CYP2C19: variants seen among roughly 807,000 people sequenced by gnomAD.
CYP2C19 encodes the protein cytochrome P450 2C19.
In CYP2C19, 59 loss-of-function variants were observed where a neutral mutation model predicts 40.9. That is an observed-to-expected ratio of 1.44 (90% CI 1.17 to 1.79). The LOEUF is 1.79. CYP2C19 is among the 40% of genes most tolerant of loss of function. CYP2C19 has a pLI of 0.00. For missense variants in CYP2C19, 754 were observed against 596.9 expected (o/e 1.26, Z -2.74); for synonymous variants, 253 against 208.7 (o/e 1.21, Z -1.83).
rs17879239 is a variant in CYP2C19 at position 94,820,579 on chromosome 10, A to G, written c.903A>G (p.Thr301=). The G allele has an allele frequency of 6.6e-4, 1,072 of 1,614,236 alleles. 5 individuals carry two copies. In the African/African-American group the frequency reaches 0.012, roughly 18 times the overall value. The change falls in exon 6 of 9, where the codon ACA becomes ACG. Residue 301 remains threonine (T), a synonymous_variant. Transcript: ENST00000371321. ...ACTTACTTGGAGCTGGGACAGAGACAACAAGCACAACCCTGAGATATGCTC... is the reference window on the plus strand; with the variant it reads ...ACTTACTTGGAGCTGGGACAGAGACGACAAGCACAACCCTGAGATATGCTC... ...AADLLGAGTE[T]TSTTLRYALL...
chr10:94,807,261 A>G (rs369621249), intron 5 of CYP2C19, among the ~76,000 whole-genome samples: 26 of 152,268 alleles, frequency 1.7e-4, no homozygotes, highest in African/African-American at 6.3e-4. Context: ...TGGTGTATGT[A>G]TACATACCAC....
intron 5 of CYP2C19, among the ~76,000 whole-genome samples, chr10:94,813,372 T>A (rs1165912586): frequency 3.9e-5 from 6 of 152,060 alleles, no homozygotes; most frequent in African/African-American, 1.4e-4. Flanking sequence ...CTGCCGAAGC[T>A]GCACCCACTG....
At chr10:94,852,538 A>G (rs906147776) in intron 8 of CYP2C19, among the ~76,000 whole-genome samples, 195 bp from the exon 9 acceptor site, 1 of 152,164 alleles carries the variant, frequency 6.6e-6, no homozygotes, top group Non-Finnish European at 1.5e-5. Flanking sequence ...CTATCCATCC[A>G]TTCATCCATT....
chr10:94,816,256 CTTTATT>C (rs765215713), intron 5 of CYP2C19, among the ~76,000 whole-genome samples: 73 of 146,670 alleles, frequency 5.0e-4, no homozygotes, highest in Non-Finnish European at 8.9e-4. Context: ...TTTTTTTTTT[CTTTATT>C]TTTATTTTTA....
chr10:94,828,207 C>G (rs535982207), intron 6 of CYP2C19, among the ~76,000 whole-genome samples: 148 of 152,060 alleles, frequency 9.7e-4, no homozygotes, highest in African/African-American at 3.3e-3. Context: ...AGTTCAATTC[C>G]TGGGTATCCT....
intron 3 of CYP2C19, among the ~76,000 whole-genome samples, chr10:94,778,603 A>T (rs977027361): frequency 6.6e-6 from 1 of 152,232 alleles, no homozygotes; most frequent in Non-Finnish European, 1.5e-5. Flanking sequence ...ATCATTAATA[A>T]GTTAGGAAAC....
At chr10:94,811,720 C>T (rs889281724) in intron 5 of CYP2C19, among the ~76,000 whole-genome samples, 2 of 151,828 alleles carry the variant, frequency 1.3e-5, no homozygotes, top group Non-Finnish European at 2.9e-5. Context: ...TTTTGCTTTC[C>T]ATTTGCTTGG....
intron 6 of CYP2C19, among the ~76,000 whole-genome samples, chr10:94,835,659 C>T (rs1416251808): frequency 6.6e-6 from 1 of 152,108 alleles, no homozygotes; most frequent in African/African-American, 2.4e-5. Flanking sequence ...CAATAATAAT[C>T]TCCTAACGGC....
At chr10:94,777,173 C>T (rs1156830531) in intron 3 of CYP2C19, among the ~76,000 whole-genome samples, 1 of 152,088 alleles carries the variant, frequency 6.6e-6, no homozygotes, top group Non-Finnish European at 1.5e-5. Flanking sequence ...AATGGAAAAA[C>T]GTTCCATGCT....
chr10:94,846,061 C>T (rs1181710949), intron 7 of CYP2C19, among the ~76,000 whole-genome samples: 2 of 152,020 alleles, frequency 1.3e-5, no homozygotes, highest in African/African-American at 2.4e-5. Context: ...ATATTATTTA[C>T]TGTACAGCTT....
At position 94,825,948 on chromosome 10, in the gene CYP2C19, G is replaced by T. The variant is rs1449371745; in HGVS notation, c.961+5311G>T. 4.6e-5 allele frequency among the ~76,000 whole-genome samples: 7 copies of T among 150,830 alleles called. No individual in the cohort carries two copies. The South Asian group carries it at 1.3e-3, about 27-fold the overall frequency. On this transcript the variant is annotated intron_variant, in intron 6 of 8. Coordinates refer to ENST00000371321, the MANE Select transcript of CYP2C19 (RefSeq NM_000769.4). Reference sequence around the variant, plus strand: ...TCCATTGCTTGTTTTTCTCAGGTTTGTCAAAGATCAGATAGTTGTAGATAT... The same window carrying T: ...TCCATTGCTTGTTTTTCTCAGGTTTTTCAAAGATCAGATAGTTGTAGATAT...
intron 6 of CYP2C19, among the ~76,000 whole-genome samples, chr10:94,829,524 C>G (rs1448855429): frequency 6.6e-6 from 1 of 152,174 alleles, no homozygotes; most frequent in African/African-American, 2.4e-5. Context: ...TTAAGCACTT[C>G]TCTGTATTGG....
chr10:94,786,030 G>A (rs955981415), intron 5 of CYP2C19, among the ~76,000 whole-genome samples: 2 of 152,034 alleles, frequency 1.3e-5, no homozygotes, highest in African/African-American at 2.4e-5. Context: ...AAAATCTGCT[G>A]TGGTCCGCCT....
At chr10:94,848,631 G>A (rs963769236) in intron 7 of CYP2C19, among the ~76,000 whole-genome samples, 1 of 152,190 alleles carries the variant, frequency 6.6e-6, no homozygotes, top group Non-Finnish European at 1.5e-5. Flanking sequence ...TTGGTAGCTT[G>A]ATGGGGATGG....
intron 7 of CYP2C19, among the ~76,000 whole-genome samples, chr10:94,845,846 C>T (rs548752811): frequency 1.2e-4 from 18 of 151,750 alleles, no homozygotes; most frequent in African/African-American, 4.1e-4. Context: ...TTTTTCATCA[C>T]CTTTGTATTA....
chr10:94,839,507 T>C (rs1450316162), intron 6 of CYP2C19, among the ~76,000 whole-genome samples: 1 of 152,216 alleles, frequency 6.6e-6, no homozygotes, highest in Non-Finnish European at 1.5e-5. Context: ...TGGGCTGGGT[T>C]CCTGAGTATT....
At chr10:94,848,567 T>C (rs1256104149) in intron 7 of CYP2C19, among the ~76,000 whole-genome samples, 1 of 152,216 alleles carries the variant, frequency 6.6e-6, no homozygotes, top group Non-Finnish European at 1.5e-5. Flanking sequence ...GCAGGCTCTT[T>C]TTTGGTTCCA....
At chr10:94,799,398 G>T (rs1292272063) in intron 5 of CYP2C19, among the ~76,000 whole-genome samples, 1 of 152,166 alleles carries the variant, frequency 6.6e-6, no homozygotes, top group Non-Finnish European at 1.5e-5. Flanking sequence ...GTTTCCCTTT[G>T]TGGGTAACCT....
chr10:94,809,103 C>T (rs565235507), intron 5 of CYP2C19, among the ~76,000 whole-genome samples: 12 of 152,282 alleles, frequency 7.9e-5, no homozygotes, highest in Non-Finnish European at 1.5e-4. Flanking sequence ...TATGTTATTG[C>T]TCATCTCTTG....
Sources: gnomAD v4.1 joint callset for allele counts (sites outside exome capture counted in the v4.1 genomes callset) on GRCh38, gnomAD v4.1.1 for gene constraint, MANE v1.5 for transcripts, NCBI Gene and HGNC (gene_info 2026-07-23, HGNC 2026-07-21) for gene names.